The following ANKRD12 variants were observed in gnomAD, a reference collection of about 807,000 sequenced individuals.
The protein encoded by ANKRD12 is ankyrin repeat domain-containing protein 12.
A neutral mutation model predicts 183.4 loss-of-function variants in ANKRD12; 85 were observed. The observed-to-expected ratio is 0.46, with a 90% confidence interval of 0.39 to 0.56. ANKRD12 has a LOEUF of 0.56. Ranked by LOEUF, ANKRD12 falls within the 20% of genes least tolerant of loss-of-function variation. The pLI is 0.00. For missense variants in ANKRD12, 2,405 were observed against 2,357.1 expected (o/e 1.02, Z -0.42); for synonymous variants, 914 against 800.2 (o/e 1.14, Z -2.40).
In ANKRD12 at chr18:9,262,765, AC is replaced by A. The variant is rs1471788984; in HGVS notation, c.5665-1023del. 2.3e-5 allele frequency among the ~76,000 whole-genome samples: 3 copies of A among 130,056 alleles called. No homozygotes were observed. The East Asian group carries it at 7.7e-4, about 34-fold the overall frequency. The allele number at this position is 130,056 out of a possible 152,430, so 85.3% of individuals were successfully genotyped here. On this transcript the variant is annotated intron_variant, in intron 9 of 12. Transcript: ENST00000262126. The stretch of plus-strand genomic sequence containing the variant: ...AGTGATGGGATTACAGGCGAGAGCC[AC>A]CATGCCCAGCCAAGATGTCCCTTTT...
intron 8 of ANKRD12, among the ~76,000 whole-genome samples, chr18:9,243,846 T>C (rs2037797195): frequency 6.6e-6 from 1 of 152,184 alleles, no homozygotes; most frequent in African/African-American, 2.4e-5. Context: ...TTGAAGAAAG[T>C]GTCTTGAGAT....
At chr18:9,271,115 C>A (rs2039579821) in intron 10 of ANKRD12, among the ~76,000 whole-genome samples, 2 of 152,134 alleles carry the variant, frequency 1.3e-5, no homozygotes, top group Non-Finnish European at 1.5e-5. Context: ...CTCTGTCACC[C>A]AGGCTGGCAG....
chr18:9,156,058 A>T (rs1354371654), intron 1 of ANKRD12, among the ~76,000 whole-genome samples: 1 of 147,084 alleles, frequency 6.8e-6, no homozygotes, highest in African/African-American at 2.5e-5. Flanking sequence ...TCGCCGCTTG[A>T]ACTGGGGAGG....
At chr18:9,254,096 G>A in intron 8 of ANKRD12, 115 bp from the exon 9 acceptor site, 2 of 1,151,520 alleles carry the variant, frequency 1.7e-6, no homozygotes, top group Non-Finnish European at 2.3e-6. Context: ...AAGTGATTAT[G>A]AATTGTTTGA....
At chr18:9,232,451 C>T (rs1292268897) in intron 8 of ANKRD12, among the ~76,000 whole-genome samples, 1 of 152,104 alleles carries the variant, frequency 6.6e-6, no homozygotes, top group Non-Finnish European at 1.5e-5. Flanking sequence ...TATATCCTGG[C>T]CTATAAGGTT....
At chr18:9,244,645 C>G (rs971691148) in intron 8 of ANKRD12, among the ~76,000 whole-genome samples, 1 of 152,138 alleles carries the variant, frequency 6.6e-6, no homozygotes, top group Non-Finnish European at 1.5e-5. Context: ...TTGTGTCATG[C>G]TGTTGAGGAT....
chr18:9,254,567 C>A lies in ANKRD12; in HGVS notation c.1300C>A (p.Leu434Ile), dbSNP rs754932862. ...TACTGAAAGTTCTGATGAAGAAGCTCTTCAGAATAAAAAGATTTCTACTTC... is the reference window on the plus strand; with the variant it reads ...TACTGAAAGTTCTGATGAAGAAGCTATTCAGAATAAAAAGATTTCTACTTC... ...SSTESSDEEA[L>I]QNKKISTSCS... Residue 434 changes from leucine to isoleucine, a missense_variant, in exon 9 of 13, where the codon CTT (leucine) becomes ATT (isoleucine). Around this residue, in one of 7 missense-constraint regions of ANKRD12, gnomAD observed 1,983 missense variants for 1,725.9 expected, o/e 1.15. Transcript: ENST00000262126. 5.1e-6 allele frequency: 8 copies of A among 1,565,854 alleles called. No individual in the cohort carries two copies. Among genetic ancestry groups the A allele is most frequent in the Non-Finnish European group, 6.9e-6 (8 of 1,162,792 alleles).
At chr18:9,219,759 A>G (rs1422293651) in intron 7 of ANKRD12, among the ~76,000 whole-genome samples, 1 of 120,442 alleles carries the variant, frequency 8.3e-6, no homozygotes, top group African/African-American at 3.6e-5. Context: ...GAAAGAAAAG[A>G]AAAAAAAAAA....
In ANKRD12 at chr18:9,255,869, AAAG is replaced by A; in HGVS notation, c.2605_2607del (p.Glu869del). The A allele has an allele frequency of 6.3e-7, 1 of 1,592,758 alleles. No homozygotes were observed. The highest frequency in any genetic ancestry group is 8.5e-7 in the Non-Finnish European group (1 of 1,174,438). ...TCTTAGTGAATGTGTTGATAAAATA[AAAG>A]AAAAGGACAAGCTATATTCGCATCA... On this transcript the variant is annotated inframe_deletion, in exon 9 of 13. Transcript: ENST00000262126.
chr18:9,233,296 T>C (rs150486853), intron 8 of ANKRD12, among the ~76,000 whole-genome samples: 13 of 152,206 alleles, frequency 8.5e-5, no homozygotes, highest in African/African-American at 3.1e-4. Context: ...ATCTTTCTGG[T>C]AAATTTCTCA....
Position 9,211,786 on chromosome 18 carries a change from TA to T in ANKRD12, c.652+4del. 6.2e-7 allele frequency: 1 copy of T among 1,611,328 alleles called. No homozygotes were observed. Among genetic ancestry groups the T allele is most frequent in the Non-Finnish European group, 8.5e-7 (1 of 1,178,068 alleles). On this transcript the variant is annotated splice_donor_region_variant and intron_variant, in intron 6 of 12. Coordinates refer to ENST00000262126, the MANE Select transcript of ANKRD12 (RefSeq NM_015208.5). ...ATGTGAATGTGAAAGATTTTGCAGG[TA>T]AGACTAGTAATTCAATACCTACTAT...
intron 1 of ANKRD12, chr18:9,137,582 C>G (rs978405943): frequency 6.6e-6 from 1 of 150,464 alleles, no homozygotes; most frequent in Non-Finnish European, 1.5e-5. Flanking sequence ...GGGCCGGGAG[C>G]GTCGGAGGTA....
intron 1 of ANKRD12, among the ~76,000 whole-genome samples, chr18:9,159,852 T>G (rs1196463207): frequency 6.6e-6 from 1 of 151,814 alleles, no homozygotes; most frequent in Non-Finnish European, 1.5e-5. Context: ...TCACCCAGGC[T>G]AGGGTACAAT....
chr18:9,180,832 A>G (rs1433892390), intron 1 of ANKRD12, among the ~76,000 whole-genome samples: 1 of 152,234 alleles, frequency 6.6e-6, no homozygotes, highest in Non-Finnish European at 1.5e-5. Context: ...TTCTCAAAAA[A>G]TATTTGACAC....
intron 8 of ANKRD12, among the ~76,000 whole-genome samples, chr18:9,226,834 T>A (rs1254378702): frequency 3.3e-5 from 5 of 151,892 alleles, no homozygotes; most frequent in African/African-American, 2.4e-5. Context: ...TTAAAAAAAA[T>A]AAAGCCAGTT....
chr18:9,285,844 T>C lies in ANKRD12; in HGVS notation c.*4718T>C, dbSNP rs942014216. The C allele has an allele frequency of 2.0e-5, 3 of 152,168 alleles. No homozygotes were observed. The highest frequency in any genetic ancestry group is 4.4e-5 in the Non-Finnish European group (3 of 68,034). The allele number at this position is 152,168 out of a possible 1,614,324, so 9.4% of individuals were successfully genotyped here. The stretch of plus-strand genomic sequence containing the variant: ...AACATGATGTTTTGAAATTCATCCA[T>C]GTTGCACCTAACAGTAATGAGTCGT... On this transcript the variant is annotated 3_prime_UTR_variant, in exon 13 of 13. Transcript: ENST00000262126.
chr18:9,256,416 A>G lies in ANKRD12; in HGVS notation c.3149A>G (p.Asp1050Gly), dbSNP rs750664210. 1.2e-6 allele frequency: 2 copies of G among 1,611,726 alleles called. No homozygotes were observed. Among genetic ancestry groups the G allele is most frequent in the Non-Finnish European group, 1.7e-6 (2 of 1,179,412 alleles). ...NSLLKLKSEADKPKPKSSPAS... is the reference protein window; with the variant it reads ...NSLLKLKSEAGKPKPKSSPAS... Reference sequence around the variant, plus strand: ...TTACTCAAACTAAAATCTGAAGCAGATAAGCCTAAACCTAAGTCATCACCA... The same window carrying G: ...TTACTCAAACTAAAATCTGAAGCAGGTAAGCCTAAACCTAAGTCATCACCA... The change falls in exon 9 of 13, where the codon GAT becomes GGT. Residue 1050 changes from aspartate (D) to glycine (G), a missense_variant. Asp to Gly is a moderately conservative substitution (Grantham distance 94). This residue lies in a region of ANKRD12 where 1,983 missense variants were observed against 1,725.9 expected (regional missense o/e 1.15). Coordinates refer to ENST00000262126, the MANE Select transcript of ANKRD12 (RefSeq NM_015208.5).
chr18:9,280,405 C>G (rs1167172161), intron 12 of ANKRD12, among the ~76,000 whole-genome samples: 1 of 152,106 alleles, frequency 6.6e-6, no homozygotes, highest in Non-Finnish European at 1.5e-5. Flanking sequence ...GTCCGTGACC[C>G]GGGGGTTGGG....
intron 7 of ANKRD12, among the ~76,000 whole-genome samples, chr18:9,221,160 A>G (rs1243889023): frequency 3.3e-5 from 5 of 152,222 alleles, no homozygotes; most frequent in African/African-American, 1.2e-4. Context: ...AGAGGTTAAA[A>G]CTATGAAAGG....
Sources: gnomAD v4.1 joint callset for allele counts (sites outside exome capture counted in the v4.1 genomes callset) on GRCh38, gnomAD v4.1.1 for gene constraint, gnomAD v4.1.1 regional missense constraint, MANE v1.5 for transcripts, NCBI Gene and HGNC (gene_info 2026-07-23, HGNC 2026-07-21) for gene names.